CCT8: variants seen among roughly 807,000 people sequenced by gnomAD.
CCT8 encodes the protein T-complex protein 1 subunit theta.
A neutral mutation model predicts 65.7 loss-of-function variants in CCT8; 10 were observed. The observed-to-expected ratio is 0.15, with a 90% CI of 0.09 to 0.26. The LOEUF is 0.26. CCT8 is among the 10% of genes least tolerant of loss of function. The probability of loss-of-function intolerance (pLI) is 1.00; values close to 1 mark genes in which losing one functional copy is unlikely to be tolerated. For synonymous variants in CCT8, 199 were observed against 221.8 expected, an observed-to-expected ratio of 0.90 and a Z score of 0.92; for missense variants, 568 against 669.1, an observed-to-expected ratio of 0.85 and a Z score of 1.67.
At chr21:29,073,367 T>C (rs186940227) in intron 1 of CCT8, 164 bp downstream of exon 1, 389 of 1,435,756 alleles carry the variant, frequency 2.7e-4, no homozygotes, top group Non-Finnish European at 3.3e-4. Context: ...CAGGCTCCGG[T>C]GGCCGAGCCC....
In CCT8 at chr21:29,067,580, C is replaced by T; in HGVS notation, c.357G>A (p.Leu119=). The T allele has an allele frequency of 6.8e-7, 1 of 1,460,662 alleles. No individual in the cohort carries two copies. 90.5% of individuals were successfully genotyped at this position (1,460,662 alleles called of 1,614,324 possible). The change falls in exon 4 of 15, where the codon CTG becomes CTA. Residue 119 remains leucine (L), a synonymous_variant. Coordinates refer to ENST00000286788, the MANE Select transcript of CCT8 (RefSeq NM_006585.4). The part of the protein sequence containing the change: ...GALLELAEEL[L]RIGLSVSEVI... ...CCTCTGAAACTGACAGGCCAATCCT[C>T]AGAAGTTCTTCAGCTAATTCCAGGA...
intron 6 of CCT8, 149 bp downstream of exon 6, chr21:29,066,567 T>C (rs1480091211): frequency 1.9e-6 from 1 of 527,288 alleles, no homozygotes; most frequent in East Asian, 3.2e-5. Context: ...TAAATAAAAA[T>C]AATGCCTCAA....
At chr21:29,066,675 A>T in intron 6 of CCT8, 41 bp downstream of exon 6, 4 of 1,334,314 alleles carry the variant, frequency 3.0e-6, no homozygotes, top group Non-Finnish European at 4.1e-6. Flanking sequence ...CACACAAAAA[A>T]ACTGACCTAG....
intron 8 of CCT8, 195 bp from the exon 9 acceptor site, chr21:29,062,751 G>A (rs534259468): frequency 1.7e-6 from 1 of 600,398 alleles, no homozygotes; most frequent in East Asian, 2.8e-5. Context: ...AGTGAGTCCA[G>A]CTGGCCAATA....
chr21:29,061,875 A>G (rs191351506), intron 11 of CCT8, among the ~76,000 whole-genome samples: 2 of 152,332 alleles, frequency 1.3e-5, no homozygotes, highest in Admixed American at 1.3e-4. Context: ...ATTACAATGG[A>G]AAACAACGAT....
rs113170268 is a variant in CCT8 at position 29,058,882 on chromosome 21, G to A, written c.1569+1659C>T. Among the ~76,000 whole-genome samples, 1,345 of 152,052 alleles carry A rather than the reference G, an allele frequency of 8.8e-3. 29 individuals carry two copies. Among genetic ancestry groups the A allele is most frequent in the African/African-American group, 0.031 (1,282 of 41,486 alleles). The stretch of plus-strand genomic sequence containing the variant: ...GCTGGGATTACAGGCGTGAGCCACC[G>A]CGCCTGGCCTCCAAGAATCTGTATT... On this transcript the variant is annotated intron_variant, in intron 14 of 14. Coordinates refer to ENST00000286788, the MANE Select transcript of CCT8 (RefSeq NM_006585.4).
chr21:29,062,463 T>C, intron 9 of CCT8, 27 bp downstream of exon 9: 1 of 1,612,670 alleles, frequency 6.2e-7, no homozygotes, highest in Non-Finnish European at 8.5e-7. Flanking sequence ...TGTTCAACTA[T>C]CTTTTAGTGT....
In CCT8 at chr21:29,062,217, T is replaced by A; in HGVS notation, c.1123A>T (p.Ile375Leu). 1 of 1,613,870 alleles carries A rather than the reference T, an allele frequency of 6.2e-7. No individual in the cohort carries two copies. Among genetic ancestry groups the A allele is most frequent in the Non-Finnish European group, 8.5e-7 (1 of 1,179,812 alleles). The change falls in exon 11 of 15, where the codon ATA becomes TTA. Residue 375 changes from isoleucine to leucine, a missense_variant. Physicochemically the swap from Ile to Leu is conservative, Grantham distance 5 (BLOSUM62 2). Coordinates refer to ENST00000286788, the MANE Select transcript of CCT8 (RefSeq NM_006585.4). ...HEKEDGAIST[I>L]VLRGSTDNLM... ...TTGTCTGTAGAGCCTCGAAGTACTA[T>A]GGTAGAAATGGCGCCATCTTCCTTT...
At chr21:29,067,154 T>G in intron 4 of CCT8, 83 bp from the exon 5 acceptor site, 1 of 917,616 alleles carries the variant, frequency 1.1e-6, no homozygotes. Context: ...ATGTTTATTT[T>G]TGATACAAAA....
intron 14 of CCT8, chr21:29,058,093 GAATT>G (rs990117390): frequency 1.3e-4 from 20 of 152,208 alleles, no homozygotes; most frequent in African/African-American, 4.6e-4. Flanking sequence ...ATTTCAGACT[GAATT>G]AAAGGCATTA....
intron 1 of CCT8, 36 bp downstream of exon 1, chr21:29,073,495 G>A (rs745586203): frequency 6.2e-7 from 1 of 1,613,854 alleles, no homozygotes. Context: ...GCCCTATGCT[G>A]ACGCTCCCAC....
In CCT8 at chr21:29,073,517, C is replaced by T. The variant is rs773923163; in HGVS notation, c.60+14G>A. 3 of 1,614,122 alleles carry T rather than the reference C, an allele frequency of 1.9e-6. No homozygotes were observed. Among genetic ancestry groups the T allele is most frequent in the Non-Finnish European group, 2.5e-6 (3 of 1,179,972 alleles). On this transcript the variant is annotated intron_variant, in intron 1 of 14. Coordinates refer to ENST00000286788, the MANE Select transcript of CCT8 (RefSeq NM_006585.4). ...GCTGACGCTCCCACCTCATTCCTTTCCTTCAGCCCTTACTTTCGCTCCCTC... is the reference window on the plus strand; with the variant it reads ...GCTGACGCTCCCACCTCATTCCTTTTCTTCAGCCCTTACTTTCGCTCCCTC...
chr21:29,072,945 T>TA (rs1362006763), intron 1 of CCT8, among the ~76,000 whole-genome samples: 3 of 152,176 alleles, frequency 2.0e-5, no homozygotes, highest in Non-Finnish European at 4.4e-5. Context: ...CCAAGAAAGT[T>TA]ACATTTTAGA....
intron 3 of CCT8, among the ~76,000 whole-genome samples, chr21:29,068,136 A>G (rs1316634390): frequency 6.6e-6 from 1 of 152,216 alleles, no homozygotes; most frequent in Non-Finnish European, 1.5e-5. Context: ...AAGGGTTATC[A>G]TTTGTGATTT....
At chr21:29,066,211 T>G (rs979428985) in intron 6 of CCT8, among the ~76,000 whole-genome samples, 4 of 152,170 alleles carry the variant, frequency 2.6e-5, no homozygotes, top group African/African-American at 7.2e-5. Flanking sequence ...GGTAGTAGTA[T>G]TATTACAACT....
intron 3 of CCT8, among the ~76,000 whole-genome samples, chr21:29,068,230 C>T (rs1457598427): frequency 1.3e-5 from 2 of 151,862 alleles, no homozygotes; most frequent in East Asian, 3.9e-4. Flanking sequence ...ATTTTAGATA[C>T]CTTTACAGAA....
In CCT8 at chr21:29,067,591, C is replaced by T. The variant is rs752762298; in HGVS notation, c.346G>A (p.Glu116Lys). The change falls in exon 4 of 15, where the codon GAA (glutamate) becomes AAA (lysine). Residue 116 changes from glutamate (E) to lysine (K), a missense_variant. Glu to Lys is a moderately conservative substitution (Grantham distance 56, BLOSUM62 1). Coordinates refer to ENST00000286788, the MANE Select transcript of CCT8 (RefSeq NM_006585.4). ...VFAGALLELA[E>K]ELLRIGLSVS... is the part of the protein sequence containing the mutation. ...GACAGGCCAATCCTCAGAAGTTCTT[C>T]AGCTAATTCCAGGAGAGCTCCAGCA... is the stretch of plus-strand genomic sequence containing the variant. 1 of 1,450,952 alleles carries T rather than the reference C, an allele frequency of 6.9e-7. No homozygotes were observed. The highest frequency in any genetic ancestry group is 9.0e-7 in the Non-Finnish European group (1 of 1,105,412). 89.9% of individuals were successfully genotyped at this position (1,450,952 alleles called of 1,614,324 possible).
At chr21:29,057,723 A>G (rs1030424008) in intron 14 of CCT8, among the ~76,000 whole-genome samples, 1 of 86,580 alleles carries the variant, frequency 1.2e-5, no homozygotes, top group African/African-American at 3.1e-5. Context: ...TATATCATAC[A>G]TATATGTATG....
At position 29,069,447 on chromosome 21, in the gene CCT8, T is replaced by G; in HGVS notation, c.207A>C (p.Ala69=). 1 of 1,583,612 alleles carries G rather than the reference T, an allele frequency of 6.3e-7. No individual in the cohort carries two copies. The highest frequency in any genetic ancestry group is 1.2e-5 in the South Asian group (1 of 84,984). ...CTTCTAGTTCTCTTAAAATAGTTGC[T>G]GCATCGTTTGTCACAAACAACTTCT... ...HLEKLFVTND[A]ATILRELEVQ... The change falls in exon 3 of 15, where the codon GCA becomes GCC. Residue 69 remains alanine, a synonymous_variant. Transcript: ENST00000286788.
Sources: allele counts gnomAD v4.1 joint callset (sites outside exome capture counted in the v4.1 genomes callset), GRCh38; gene constraint gnomAD v4.1.1; transcripts MANE v1.5; gene names NCBI Gene and HGNC (gene_info 2026-07-23, HGNC 2026-07-21).